DMD: variants seen among roughly 807,000 people sequenced by gnomAD.
The protein encoded by DMD is dystrophin.
In DMD, 63 loss-of-function variants were observed where a neutral mutation model predicts 330.1. The observed-to-expected ratio is 0.19, with a 90% CI of 0.16 to 0.24. DMD has a LOEUF of 0.24. Among genes scored for constraint, DMD ranks in the 10% least tolerant of loss-of-function variants. The probability of loss-of-function intolerance (pLI) is 1.00; values close to 1 mark genes in which losing one functional copy is unlikely to be tolerated. For synonymous variants in DMD, 1,223 were observed against 959.8 expected (o/e 1.27, Z -5.07); for missense variants, 3,344 against 2,684.1 (o/e 1.25, Z -5.43).
rs577826665 is a variant in DMD, at chrX:31,844,300, T to C, written c.7099-7481A>G. ...TATTGAGTAGGGAGTCCTTTCCCCA[T>C]TTTTTTTTTTTTTGTTTACTTTGTT... On this transcript the variant is annotated intron_variant, in intron 48 of 78. Coordinates refer to ENST00000357033, the MANE Select transcript of DMD (RefSeq NM_004006.3). Among the ~76,000 whole-genome samples the C allele has an allele frequency of 3.9e-3, 41 of 10,468 alleles. No individual in the cohort carries two copies. The South Asian group carries it at 0.076, about 19-fold the overall frequency. 9.1% of individuals were successfully genotyped at this position (10,468 alleles called of 115,157 possible).
chrX:32,296,004 C>T (rs890560726), intron 42 of DMD, among the ~76,000 whole-genome samples: 33 of 112,301 alleles, frequency 2.9e-4, no homozygotes, highest in African/African-American at 9.1e-4. Flanking sequence ...TGAAAGTAAA[C>T]TTAAAATAAT....
intron 12 of DMD, among the ~76,000 whole-genome samples, chrX:32,601,501 A>G (rs2056202478): frequency 8.9e-6 from 1 of 111,863 alleles, no homozygotes; most frequent in South Asian, 3.7e-4. Context: ...AATGCTTCTC[A>G]ATAGCCTGAA....
chrX:32,290,782 G>A (rs1317824370), intron 42 of DMD, among the ~76,000 whole-genome samples: 1 of 111,730 alleles, frequency 9.0e-6, no homozygotes, highest in Non-Finnish European at 1.9e-5. Context: ...TTTTATTGTA[G>A]TAGTAAGAAA....
intron 51 of DMD, among the ~76,000 whole-genome samples, chrX:31,733,268 C>A (rs2086641092): frequency 9.0e-6 from 1 of 111,538 alleles, no homozygotes; most frequent in Non-Finnish European, 1.9e-5. Context: ...CATATTATAA[C>A]TAGGGCATTT....
chrX:32,799,133 G>C (rs918280493), intron 7 of DMD, among the ~76,000 whole-genome samples: 1 of 111,258 alleles, frequency 9.0e-6, no homozygotes, highest in African/African-American at 3.3e-5. Flanking sequence ...TTCACTCCAG[G>C]AGTAAAACTT....
At chrX:32,773,915 T>C (rs1463347634) in intron 7 of DMD, among the ~76,000 whole-genome samples, 1 of 111,946 alleles carries the variant, frequency 8.9e-6, no homozygotes, top group African/African-American at 3.2e-5. Flanking sequence ...ATTTCTGCTC[T>C]GGGCTTTAGT....
intron 59 of DMD, among the ~76,000 whole-genome samples, chrX:31,462,510 C>T (rs1458921259): frequency 1.8e-5 from 2 of 111,247 alleles, no homozygotes; most frequent in African/African-American, 6.5e-5. Flanking sequence ...AACTCCACAG[C>T]GAGGTTTCTG....
chrX:31,583,406 G>A (rs762873368), intron 55 of DMD, among the ~76,000 whole-genome samples: 5 of 111,429 alleles, frequency 4.5e-5, no homozygotes, highest in Non-Finnish European at 7.5e-5. Flanking sequence ...ATGGAGACAG[G>A]TCAGGTGAAA....
intron 2 of DMD, among the ~76,000 whole-genome samples, chrX:32,945,460 A>C (rs1343346558): frequency 9.0e-6 from 1 of 111,315 alleles, no homozygotes; most frequent in Non-Finnish European, 1.9e-5. Context: ...ATTAATATGA[A>C]TAATTTGACT....
chrX:32,613,429 A>C (rs1353957742), intron 12 of DMD, among the ~76,000 whole-genome samples: 1 of 110,724 alleles, frequency 9.0e-6, no homozygotes, highest in Admixed American at 9.7e-5. Context: ...TAGAAGTCTC[A>C]ATAACAGAAA....
chrX:32,139,013 C>G (rs903567572), intron 44 of DMD, among the ~76,000 whole-genome samples: 1 of 112,273 alleles, frequency 8.9e-6, no homozygotes, highest in African/African-American at 3.2e-5. Flanking sequence ...AAGAAAACAG[C>G]TCCTAAATTG....
At chrX:31,733,727 C>A (rs1252368860) in intron 51 of DMD, among the ~76,000 whole-genome samples, 2 of 111,799 alleles carry the variant, frequency 1.8e-5, no homozygotes, top group African/African-American at 6.5e-5. Context: ...ATCTATCTAG[C>A]TTTCAACCAT....
chrX:31,222,433 A>G (rs1416237935), intron 64 of DMD, among the ~76,000 whole-genome samples: 7 of 108,885 alleles, frequency 6.4e-5, no homozygotes, highest in Admixed American at 2.9e-4. Context: ...AAAAAGAAAA[A>G]GAAACTGTGC....
At chrX:32,783,906 G>C (rs2075119987) in intron 7 of DMD, among the ~76,000 whole-genome samples, 1 of 108,211 alleles carries the variant, frequency 9.2e-6, no homozygotes, top group Non-Finnish European at 1.9e-5. Context: ...ACTTAAAGCT[G>C]CTTAAATGAC....
intron 2 of DMD, among the ~76,000 whole-genome samples, chrX:32,922,582 C>T (rs752190257): frequency 1.8e-5 from 2 of 112,290 alleles, no homozygotes; most frequent in South Asian, 3.7e-4. Flanking sequence ...GAGCACACAA[C>T]CTAGATCCCT....
At chrX:32,447,719 T>C (rs2098311448) in intron 27 of DMD, among the ~76,000 whole-genome samples, 1 of 111,799 alleles carries the variant, frequency 8.9e-6, no homozygotes, top group Non-Finnish European at 1.9e-5. Flanking sequence ...ATGTGCAATG[T>C]CTGGCAGCAT....
intron 16 of DMD, among the ~76,000 whole-genome samples, chrX:32,552,110 A>T (rs754341970): frequency 3.3e-4 from 37 of 112,227 alleles, no homozygotes; most frequent in African/African-American, 1.2e-3. Context: ...TTCACTGAAT[A>T]AGAAAAAGAC....
At chrX:32,258,651 C>G (rs940022811) in intron 43 of DMD, among the ~76,000 whole-genome samples, 1 of 108,759 alleles carries the variant, frequency 9.2e-6, no homozygotes, top group East Asian at 2.9e-4. Flanking sequence ...CATCACACAC[C>G]GGGGCCTCTC....
intron 1 of DMD, among the ~76,000 whole-genome samples, chrX:33,136,722 C>A (rs1228095261): frequency 9.1e-6 from 1 of 110,430 alleles, no homozygotes; most frequent in Non-Finnish European, 1.9e-5. Flanking sequence ...CACCAGACAC[C>A]AAATCTGCCA....
Sources: gnomAD v4.1 joint callset for allele counts (sites outside exome capture counted in the v4.1 genomes callset) on GRCh38, gnomAD v4.1.1 for gene constraint, MANE v1.5 for transcripts, NCBI Gene and HGNC (gene_info 2026-07-23, HGNC 2026-07-21) for gene names.